Variants in ZNF134 observed in about 807,000 individuals in gnomAD.
The protein encoded by ZNF134 is zinc finger protein 134, also known as zinc finger protein 134 (clone pHZ-15).
A neutral mutation model predicts 2.5 loss-of-function variants in ZNF134; 5 were observed. The observed-to-expected ratio is 2.03, with a 90% CI of 1.06 to 4.27. ZNF134 has a LOEUF of 4.27. Ranked by LOEUF, ZNF134 falls within the 30% of genes most tolerant of loss-of-function variation. ZNF134 has a pLI of 0.00. For missense variants in ZNF134, 540 were observed against 517.5 expected (o/e 1.04, Z -0.42); for synonymous variants, 176 against 176.2 (o/e 1.00, Z 0.01).
At chr19:57,618,507 T>C (rs1195512449) in intron 1 of ZNF134, among the ~76,000 whole-genome samples, 1 of 152,170 alleles carries the variant, frequency 6.6e-6, no homozygotes, top group African/African-American at 2.4e-5. Context: ...GGTTTGTGTA[T>C]GAGGAATAAT....
rs772878476 is a variant in ZNF134 at position 57,621,143 on chromosome 19, A to G, written c.1024A>G (p.Lys342Glu). ...ACATCAGCGAATTCACACTGAGTCA[A>G]AGCCGTTTGAGTGCATTGAATGCGG... ...IKHQRIHTES[K>E]PFECIECGKF... The change falls in exon 3 of 3, where the codon AAG becomes GAG. Residue 342 changes from lysine to glutamate, a missense_variant. Lys to Glu is a moderately conservative substitution (Grantham distance 56, BLOSUM62 1). Coordinates refer to ENST00000396161, the MANE Select transcript of ZNF134 (RefSeq NM_003435.5). The G allele has an allele frequency of 1.2e-6, 2 of 1,614,252 alleles. No homozygotes were observed.
At position 57,624,382 on chromosome 19, in the gene ZNF134, A is replaced by G. The variant is rs1277553501; in HGVS notation, c.*2979A>G. The G allele has an allele frequency of 6.6e-6, 1 of 152,106 alleles. No homozygotes were observed. Among genetic ancestry groups the G allele is most frequent in the East Asian group, 1.9e-4 (1 of 5,194 alleles). The allele number at this position is 152,106 out of a possible 1,614,324, so 9.4% of individuals were successfully genotyped here. A position where few individuals can be genotyped will look rare whatever the true frequency, so the allele number is the denominator to read the frequency against. Reference sequence around the variant, plus strand: ...CACCCTGGTTTTGGTGCAGCTGAAAAAAAAAAAGAAAAACCCAAACAACAG... The same window carrying G: ...CACCCTGGTTTTGGTGCAGCTGAAAGAAAAAAAGAAAAACCCAAACAACAG... On this transcript the variant is annotated 3_prime_UTR_variant, in exon 3 of 3. Coordinates refer to ENST00000396161, the MANE Select transcript of ZNF134 (RefSeq NM_003435.5).
At chr19:57,614,599 T>A (rs1485585339) in intron 1 of ZNF134, 96 bp downstream of exon 1, 1 of 328,548 alleles carries the variant, frequency 3.0e-6, no homozygotes, top group Non-Finnish European at 6.0e-6. Flanking sequence ...GGCCCCAGTG[T>A]CCAAGGCAGC....
Position 57,620,440 on chromosome 19 carries a change from A to G in ZNF134, c.321A>G (p.Arg107=). The G allele has an allele frequency of 6.2e-7, 1 of 1,614,194 alleles. No homozygotes were observed. The highest frequency in any genetic ancestry group is 8.5e-7 in the Non-Finnish European group (1 of 1,180,042). ...QKCYSIEQPL[R]RDKSEASIVK... Reference sequence around the variant, plus strand: ...GTTACAGTATAGAGCAACCCTTAAGAAGGGATAAAAGTGAGGCCTCAATTG... The same window carrying G: ...GTTACAGTATAGAGCAACCCTTAAGGAGGGATAAAAGTGAGGCCTCAATTG... The change falls in exon 3 of 3, where the codon AGA becomes AGG. Residue 107 remains arginine (R), a synonymous_variant. Transcript: ENST00000396161.
chr19:57,621,091 C>A lies in ZNF134; in HGVS notation c.972C>A (p.Ser324=), dbSNP rs781087396. ...NPYDCSDCGK[S]FGHKYTLIKH... ...ATGATTGCAGTGATTGTGGGAAATCCTTTGGCCACAAATACACCCTCATTA... is the reference window on the plus strand; with the variant it reads ...ATGATTGCAGTGATTGTGGGAAATCATTTGGCCACAAATACACCCTCATTA... Residue 324 remains serine, a synonymous_variant, in exon 3 of 3, where the codon TCC becomes TCA. Transcript: ENST00000396161. The A allele has an allele frequency of 5.0e-6, 8 of 1,614,216 alleles. No homozygotes were observed. The South Asian group carries it at 8.8e-5, about 18-fold the overall frequency.
chr19:57,620,653 C>T lies in ZNF134; in HGVS notation c.534C>T (p.Cys178=). The T allele has an allele frequency of 6.2e-7, 1 of 1,614,152 alleles. No individual in the cohort carries two copies. Among genetic ancestry groups the T allele is most frequent in the Non-Finnish European group, 8.5e-7 (1 of 1,180,040 alleles). ...ATGGTGAACAAATGCATTACAAGTG[C>T]AGTGAATGTGGGAAAGCTTTCAGCC... is the stretch of plus-strand genomic sequence containing the variant. ...AFHGEQMHYK[C]SECGKAFSRK... The change falls in exon 3 of 3, where the codon TGC becomes TGT. Residue 178 remains cysteine (C), a synonymous_variant. Transcript: ENST00000396161.
In ZNF134 at chr19:57,621,265, C is replaced by G. The variant is rs1257657609; in HGVS notation, c.1146C>G (p.Ile382Met). The G allele has an allele frequency of 2.5e-6, 4 of 1,613,924 alleles. No individual in the cohort carries two copies. The highest frequency in any genetic ancestry group is 2.2e-5 in the South Asian group (2 of 91,084). The change falls in exon 3 of 3, where the codon ATC becomes ATG. Residue 382 changes from isoleucine (I) to methionine (M), a missense_variant. By Grantham distance (10) the Ile-to-Met change is conservative. Transcript: ENST00000396161. ...FVCSKCGKDF[I>M]RTSHLVRHQR... is the part of the protein sequence containing the mutation. ...GCAGTAAATGTGGGAAAGACTTTATCAGAACCTCCCACCTTGTTCGACACC... is the reference window on the plus strand; with the variant it reads ...GCAGTAAATGTGGGAAAGACTTTATGAGAACCTCCCACCTTGTTCGACACC...
At chr19:57,619,926 G>A (rs1464305568) in intron 2 of ZNF134, among the ~76,000 whole-genome samples, 1 of 152,178 alleles carries the variant, frequency 6.6e-6, no homozygotes, top group Non-Finnish European at 1.5e-5. Flanking sequence ...GGATTAAGTT[G>A]GAGACCTTGT....
chr19:57,614,303 G>T lies in ZNF134; in HGVS notation c.-258G>T, dbSNP rs1336081039. 2 of 451,850 alleles carry T rather than the reference G, an allele frequency of 4.4e-6. No individual in the cohort carries two copies. Among genetic ancestry groups the T allele is most frequent in the Admixed American group, 4.7e-5 (2 of 42,226 alleles). The allele number at this position is 451,850 out of a possible 1,614,324, so 28.0% of individuals were successfully genotyped here. On this transcript the variant is annotated 5_prime_UTR_variant, in exon 1 of 3. Transcript: ENST00000396161. ...CGGAGCAGAAGCTCGGGGTTGCTGG[G>T]CGGTTCCGAGGTGACGGAAGCGGGA...
In ZNF134 at chr19:57,621,034, G is replaced by A; in HGVS notation, c.915G>A (p.Gln305=). Residue 305 remains glutamine (Q), a synonymous_variant, in exon 3 of 3, where the codon CAG becomes CAA. Transcript: ENST00000396161. ...KVFRHKSTLV[Q]HESIHTGENP... ...TCAGACACAAATCTACACTTGTTCAGCATGAGAGTATTCACACTGGAGAAA... is the reference window on the plus strand; with the variant it reads ...TCAGACACAAATCTACACTTGTTCAACATGAGAGTATTCACACTGGAGAAA... 1 of 1,614,098 alleles carries A rather than the reference G, an allele frequency of 6.2e-7. No homozygotes were observed. Among genetic ancestry groups the A allele is most frequent in the Non-Finnish European group, 8.5e-7 (1 of 1,180,022 alleles).
Position 57,621,566 on chromosome 19 carries a change from G to A in ZNF134, c.*163G>A. On this transcript the variant is annotated 3_prime_UTR_variant, in exon 3 of 3. Coordinates refer to ENST00000396161, the MANE Select transcript of ZNF134 (RefSeq NM_003435.5). ...GGTTTTTTGCCAGAGTTATGTCACT[G>A]TCAATCCATGTGGCCGAAACCATCT... is the stretch of plus-strand genomic sequence containing the variant. 9.4e-7 allele frequency: 1 copy of A among 1,062,264 alleles called. No individual in the cohort carries two copies. 65.8% of individuals were successfully genotyped at this position (1,062,264 alleles called of 1,614,324 possible).
rs773556583 is a variant in ZNF134, at chr19:57,621,735, A to G, written c.*332A>G. 2.4e-6 allele frequency: 1 copy of G among 414,954 alleles called. No individual in the cohort carries two copies. Among genetic ancestry groups the G allele is most frequent in the Non-Finnish European group, 4.6e-6 (1 of 219,356 alleles). 25.7% of individuals were successfully genotyped at this position (414,954 alleles called of 1,614,324 possible). ...ACAGGTATAGGTATGGATATGACCC[A>G]TTTTTAGCCAAGAGGGTCTGAGCTG... On this transcript the variant is annotated 3_prime_UTR_variant, in exon 3 of 3. Coordinates refer to ENST00000396161, the MANE Select transcript of ZNF134 (RefSeq NM_003435.5).
At position 57,624,564 on chromosome 19, in the gene ZNF134, C is replaced by G. The variant is rs984350336; in HGVS notation, c.*3161C>G. The G allele has an allele frequency of 1.3e-5, 2 of 152,260 alleles. No individual in the cohort carries two copies. Among genetic ancestry groups the G allele is most frequent in the East Asian group, 1.9e-4 (1 of 5,186 alleles). The allele number at this position is 152,260 out of a possible 1,614,324, so 9.4% of individuals were successfully genotyped here. ...TGGTAATCAGGGGTCCCTGAAATCCCCTCTTTTCCCAGAATACCTAATGAT... is the reference window on the plus strand; with the variant it reads ...TGGTAATCAGGGGTCCCTGAAATCCGCTCTTTTCCCAGAATACCTAATGAT... On this transcript the variant is annotated 3_prime_UTR_variant, in exon 3 of 3. Transcript: ENST00000396161.
chr19:57,621,376 G>C lies in ZNF134; in HGVS notation c.1257G>C (p.Gln419His). Reference sequence around the variant, plus strand: ...TAAGCTCCCACCTCAATCGGCACCAGAAAGTTCACACTGCAGGCAGGCTTT... The same window carrying C: ...TAAGCTCCCACCTCAATCGGCACCACAAAGTTCACACTGCAGGCAGGCTTT... ...YSLSSHLNRHQKVHTAGRL is the reference protein window; with the variant it reads ...YSLSSHLNRHHKVHTAGRL The change falls in exon 3 of 3, where the codon CAG (glutamine) becomes CAC (histidine). Residue 419 changes from glutamine (Q) to histidine (H), a missense_variant. Transcript: ENST00000396161. 1 of 1,613,908 alleles carries C rather than the reference G, an allele frequency of 6.2e-7. No homozygotes were observed. The highest frequency in any genetic ancestry group is 8.5e-7 in the Non-Finnish European group (1 of 1,179,998).
intron 1 of ZNF134, among the ~76,000 whole-genome samples, chr19:57,617,033 C>A (rs1010566665): frequency 1.3e-5 from 2 of 152,154 alleles, no homozygotes; most frequent in African/African-American, 4.8e-5. Flanking sequence ...GGCATAGGAA[C>A]CAGCATGTGC....
chr19:57,619,592 C>A, intron 2 of ZNF134, 84 bp downstream of exon 2: 3 of 1,431,292 alleles, frequency 2.1e-6, no homozygotes, highest in Non-Finnish European at 1.9e-6. Flanking sequence ...TCACAAGTGC[C>A]AAGGCCAGAG....
In ZNF134 at chr19:57,621,863, G is replaced by C; in HGVS notation, c.*460G>C. ...TCCAGCCTCCAAGTCACCTGGCCTGGGAAAGTACTTGCCTCATGTTGCTCT... is the reference window on the plus strand; with the variant it reads ...TCCAGCCTCCAAGTCACCTGGCCTGCGAAAGTACTTGCCTCATGTTGCTCT... On this transcript the variant is annotated 3_prime_UTR_variant, in exon 3 of 3. Transcript: ENST00000396161. 3.4e-6 allele frequency: 1 copy of C among 292,344 alleles called. No individual in the cohort carries two copies. Among genetic ancestry groups the C allele is most frequent in the South Asian group, 3.4e-5 (1 of 29,086 alleles). 18.1% of individuals were successfully genotyped at this position (292,344 alleles called of 1,614,324 possible).
rs1981231542 is a variant in ZNF134 at position 57,621,816 on chromosome 19, C to T, written c.*413C>T. 6.3e-6 allele frequency: 2 copies of T among 317,296 alleles called. No homozygotes were observed. The highest frequency in any genetic ancestry group is 5.8e-5 in the South Asian group (2 of 34,760). The allele number at this position is 317,296 out of a possible 1,614,324, so 19.7% of individuals were successfully genotyped here. On this transcript the variant is annotated 3_prime_UTR_variant, in exon 3 of 3. Transcript: ENST00000396161. ...CTTTCTTCATGGATATTCTTGGTCTCACATACTTGTAATCAAGTTTTTCCA... is the reference window on the plus strand; with the variant it reads ...CTTTCTTCATGGATATTCTTGGTCTTACATACTTGTAATCAAGTTTTTCCA...
rs914065160 is a variant in ZNF134, at chr19:57,622,656, G to A, written c.*1253G>A. ...CAGGCGGTAACCCTGGGAGTAAAGA[G>A]GTGTGGTCCAAGGAAGTAGCTTTTG... On this transcript the variant is annotated 3_prime_UTR_variant, in exon 3 of 3. Transcript: ENST00000396161. 1 of 152,172 alleles carries A rather than the reference G, an allele frequency of 6.6e-6. No homozygotes were observed. Among genetic ancestry groups the A allele is most frequent in the African/African-American group, 2.4e-5 (1 of 41,436 alleles). The allele number at this position is 152,172 out of a possible 1,614,324, so 9.4% of individuals were successfully genotyped here. A position where few individuals can be genotyped will look rare whatever the true frequency, so the allele number is the denominator to read the frequency against.
Sources: gnomAD v4.1 joint callset for allele counts (sites outside exome capture counted in the v4.1 genomes callset) on GRCh38, gnomAD v4.1.1 for gene constraint, MANE v1.5 for transcripts, NCBI Gene and HGNC (gene_info 2026-07-23, HGNC 2026-07-21) for gene names.